The following BOLL variants were observed in gnomAD, a reference collection of about 807,000 sequenced individuals.
BOLL encodes protein boule-like.
Under a neutral mutation model 44.4 loss-of-function variants are expected in BOLL, and 23 were observed. That is an observed-to-expected ratio of 0.52 (90% confidence interval 0.37 to 0.73). BOLL has a LOEUF of 0.73. BOLL is among the 30% of genes least tolerant of loss of function. The pLI, the probability that BOLL is intolerant of heterozygous loss-of-function variation, is 0.00. For missense variants in BOLL, 287 were observed against 338.3 expected, an observed-to-expected ratio of 0.85 and a Z score of 1.19; for synonymous variants, 97 against 110.8, an observed-to-expected ratio of 0.88 and a Z score of 0.78.
At chr2:197,766,415 C>G in intron 7 of BOLL, 117 bp downstream of exon 7, 6 of 866,830 alleles carry the variant, frequency 6.9e-6, no homozygotes, top group Non-Finnish European at 1.1e-5. Context: ...TCACATTTCT[C>G]TAATGAACTA....
intron 5 of BOLL, among the ~76,000 whole-genome samples, 184 bp downstream of exon 5, chr2:197,775,481 C>T (rs753361275): frequency 7.2e-5 from 5 of 69,158 alleles, no homozygotes; most frequent in Non-Finnish European, 1.3e-4. Context: ...AATTTTTTCC[C>T]AGCCAAAAAA....
At chr2:197,731,195 C>G (rs1574792431) in intron 10 of BOLL, among the ~76,000 whole-genome samples, 1 of 151,828 alleles carries the variant, frequency 6.6e-6, no homozygotes, top group African/African-American at 2.4e-5. Flanking sequence ...TTTAAACCAA[C>G]AAAGATCAAA....
intron 10 of BOLL, among the ~76,000 whole-genome samples, chr2:197,728,856 G>T (rs555603534): frequency 1.1e-4 from 16 of 152,190 alleles, no homozygotes; most frequent in Non-Finnish European, 1.9e-4. Flanking sequence ...GGATGGGTCA[G>T]CACAGATTAC....
Position 197,785,159 on chromosome 2 carries a change from T to C in BOLL, c.-119A>G. The stretch of plus-strand genomic sequence containing the variant: ...AACTTCCTCGAGTTCTCTCGGGTCA[T>C]CGTGAACTTGGGCACCGAAACGAGG... On this transcript the variant is annotated 5_prime_UTR_variant, in exon 1 of 11. An upstream start codon of the reference 5' UTR is lost. Transcript: ENST00000392296. This position sits in a 1 kb window ranked among gnomAD's most constrained non-coding sequence, Gnocchi z 6.7. 3 of 985,950 alleles carry C rather than the reference T, an allele frequency of 3.0e-6. No homozygotes were observed. Among genetic ancestry groups the C allele is most frequent in the Non-Finnish European group, 3.6e-6 (3 of 829,922 alleles). 61.1% of individuals were successfully genotyped at this position (985,950 alleles called of 1,614,324 possible). A position where few individuals can be genotyped will look rare whatever the true frequency, so the allele number is the denominator to read the frequency against.
intron 10 of BOLL, among the ~76,000 whole-genome samples, chr2:197,739,665 T>G (rs1015780218): frequency 3.3e-5 from 5 of 152,152 alleles, no homozygotes; most frequent in African/African-American, 1.2e-4. Context: ...AAGAGTAAGA[T>G]ACCAGTTTCT....
chr2:197,754,469 GGAGGCC>G (rs1412685916), intron 9 of BOLL, among the ~76,000 whole-genome samples: 2 of 152,124 alleles, frequency 1.3e-5, no homozygotes, highest in Non-Finnish European at 2.9e-5. Context: ...CAGCACTTTG[GGAGGCC>G]GAGGCAGGTG....
intron 10 of BOLL, among the ~76,000 whole-genome samples, chr2:197,742,801 A>G (rs1394084909): frequency 6.6e-6 from 1 of 152,106 alleles, no homozygotes; most frequent in Non-Finnish European, 1.5e-5. Context: ...GTACCCTAAA[A>G]CTTAAAGTAT....
At chr2:197,735,051 G>T (rs1687420242) in intron 10 of BOLL, among the ~76,000 whole-genome samples, 1 of 152,006 alleles carries the variant, frequency 6.6e-6, no homozygotes, top group Admixed American at 6.6e-5. Flanking sequence ...TTCTTACAAA[G>T]TGAACCATTG....
intron 10 of BOLL, among the ~76,000 whole-genome samples, chr2:197,740,443 G>A (rs761546626): frequency 7.2e-5 from 11 of 152,088 alleles, no homozygotes; most frequent in Non-Finnish European, 1.5e-4. Flanking sequence ...CAAGAAACTT[G>A]TTCATAAGGG....
At chr2:197,770,978 C>G (rs1389090224) in intron 6 of BOLL, among the ~76,000 whole-genome samples, 3 of 152,054 alleles carry the variant, frequency 2.0e-5, no homozygotes, top group Admixed American at 6.6e-5. Flanking sequence ...TACCATTTGA[C>G]CCAGCCATCC....
intron 9 of BOLL, among the ~76,000 whole-genome samples, chr2:197,754,609 G>A (rs774223896): frequency 1.3e-5 from 2 of 152,150 alleles, no homozygotes; most frequent in Non-Finnish European, 2.9e-5. Context: ...AGCTACTCAG[G>A]AGGCTGAGGC....
At chr2:197,740,690 A>G (rs932501027) in intron 10 of BOLL, among the ~76,000 whole-genome samples, 4 of 152,184 alleles carry the variant, frequency 2.6e-5, no homozygotes, top group African/African-American at 7.2e-5. Flanking sequence ...GCAAATTCAT[A>G]TAGATAGAAA....
chr2:197,731,233 G>A (rs1687159612), intron 10 of BOLL, among the ~76,000 whole-genome samples: 1 of 151,832 alleles, frequency 6.6e-6, no homozygotes, highest in East Asian at 1.9e-4. Context: ...TTACATAATG[G>A]TAAAGGGATC....
intron 9 of BOLL, among the ~76,000 whole-genome samples, chr2:197,749,093 C>G (rs1425189731): frequency 6.6e-6 from 1 of 152,242 alleles, no homozygotes; most frequent in African/African-American, 2.4e-5. Flanking sequence ...CCCAGGCAAA[C>G]AGGGTCTGGG....
intron 9 of BOLL, among the ~76,000 whole-genome samples, chr2:197,752,366 G>C (rs1473312632): frequency 6.6e-6 from 1 of 152,188 alleles, no homozygotes; most frequent in Admixed American, 6.5e-5. Context: ...AACTATCTCT[G>C]TTTGCAGATG....
intron 6 of BOLL, among the ~76,000 whole-genome samples, chr2:197,767,012 G>A (rs966245363): frequency 7.2e-5 from 11 of 151,916 alleles, no homozygotes; most frequent in East Asian, 1.9e-4. Flanking sequence ...ATGAATAGTC[G>A]TATCTAATTT....
At chr2:197,758,873 T>C in intron 7 of BOLL, 1 of 1,355,756 alleles carries the variant, frequency 7.4e-7, no homozygotes, top group East Asian at 2.5e-5. Flanking sequence ...CCAATACCTG[T>C]ATCTTACTTG....
intron 10 of BOLL, among the ~76,000 whole-genome samples, chr2:197,728,826 T>A (rs1454676337): frequency 1.3e-5 from 2 of 152,146 alleles, no homozygotes; most frequent in African/African-American, 4.8e-5. Context: ...ACAGTATAAA[T>A]GTTGAGTAAA....
intron 7 of BOLL, among the ~76,000 whole-genome samples, chr2:197,765,589 T>C (rs1688954999): frequency 6.6e-6 from 1 of 151,710 alleles, no homozygotes. Context: ...ACCCCATGAA[T>C]AGGTATAATT....
Sources: gnomAD v4.1 joint callset for allele counts (sites outside exome capture counted in the v4.1 genomes callset) on GRCh38, gnomAD v4.1.1 for gene constraint, Gnocchi (gnomAD v3.1) non-coding constraint, MANE v1.5 for transcripts, NCBI Gene and HGNC (gene_info 2026-07-23, HGNC 2026-07-21) for gene names.